The following MKLN1 variants were observed in gnomAD, a reference collection of about 807,000 sequenced individuals.
The protein encoded by MKLN1 is muskelin 1.
A neutral mutation model predicts 99.0 loss-of-function variants in MKLN1; 18 were observed. The ratio of observed to expected loss-of-function variants is 0.18; its 90% CI spans 0.13 to 0.27. The LOEUF is 0.27. Among genes scored for constraint, MKLN1 ranks in the 10% least tolerant of loss-of-function variants. The pLI is 1.00. For missense variants in MKLN1, 621 were observed against 875.9 expected, an observed-to-expected ratio of 0.71 and a Z score of 3.67; for synonymous variants, 288 against 293.2, an observed-to-expected ratio of 0.98 and a Z score of 0.18.
chr7:131,458,149 A>C (rs1270720000), intron 12 of MKLN1, among the ~76,000 whole-genome samples: 1 of 152,234 alleles, frequency 6.6e-6, no homozygotes, highest in African/African-American at 2.4e-5. Flanking sequence ...AAGAAGATAG[A>C]CATTTGACAG....
intron 2 of MKLN1, among the ~76,000 whole-genome samples, chr7:131,183,051 G>A (rs1286266127): frequency 6.6e-6 from 1 of 152,220 alleles, no homozygotes; most frequent in Non-Finnish European, 1.5e-5. Context: ...TGGATGTGGA[G>A]TGGTTTTGCT....
At chr7:131,472,710 G>A (rs1316477408) in intron 16 of MKLN1, among the ~76,000 whole-genome samples, 1 of 152,034 alleles carries the variant, frequency 6.6e-6, no homozygotes, top group East Asian at 1.9e-4. Context: ...CAGCACTTTG[G>A]GAGGCCGAGG....
At chr7:131,146,788 C>A (rs1022692229) in intron 2 of MKLN1, among the ~76,000 whole-genome samples, 6 of 152,178 alleles carry the variant, frequency 3.9e-5, no homozygotes, top group African/African-American at 1.4e-4. Flanking sequence ...ATTGTTTGAA[C>A]AATATTCATT....
intron 1 of MKLN1, among the ~76,000 whole-genome samples, chr7:131,342,027 A>G (rs1224363666): frequency 2.0e-5 from 3 of 152,226 alleles, no homozygotes; most frequent in Non-Finnish European, 2.9e-5. Context: ...TAATGCTGCT[A>G]TAATAAACAT....
At chr7:131,322,557 CTTTT>C (rs574246814) in intron 3 of MKLN1, among the ~76,000 whole-genome samples, 61 of 95,078 alleles carry the variant, frequency 6.4e-4, no homozygotes, top group Admixed American at 1.8e-3. Context: ...CTGCCAAACA[CTTTT>C]TTTTTTTTTT....
At chr7:131,443,973 T>C (rs1303886924) in intron 11 of MKLN1, among the ~76,000 whole-genome samples, 2 of 152,298 alleles carry the variant, frequency 1.3e-5, no homozygotes, top group East Asian at 1.9e-4. Flanking sequence ...TCCTTTCTTA[T>C]GCCTTTCCAC....
In MKLN1 at chr7:131,386,441, C is replaced by T. The variant is rs142253237; in HGVS notation, c.169-679C>T. ...CTTTATCACCTATATTATCCAATAT[C>T]GTGAAGCATGACGTCTCTCCAACAA... On this transcript the variant is annotated intron_variant, in intron 2 of 17. Transcript: ENST00000352689. Among the ~76,000 whole-genome samples, 15 of 152,286 alleles carry T rather than the reference C, an allele frequency of 9.8e-5. 1 individual carries two copies. The highest frequency in any genetic ancestry group is 1.8e-4 in the Non-Finnish European group (12 of 68,016).
chr7:131,427,367 T>A (rs1584731426), intron 8 of MKLN1, among the ~76,000 whole-genome samples: 1 of 152,206 alleles, frequency 6.6e-6, no homozygotes, highest in East Asian at 1.9e-4. Context: ...CATGGTGGGA[T>A]GTAACTTAGA....
At chr7:131,442,974 CT>C (rs1443413641) in intron 10 of MKLN1, among the ~76,000 whole-genome samples, 1 of 152,082 alleles carries the variant, frequency 6.6e-6, no homozygotes, top group African/African-American at 2.4e-5. Context: ...TGTAAATGTC[CT>C]TTTGTTTGTT....
chr7:131,173,580 G>T (rs543618855), intron 2 of MKLN1, among the ~76,000 whole-genome samples: 1 of 152,118 alleles, frequency 6.6e-6, no homozygotes, highest in African/African-American at 2.4e-5. Flanking sequence ...TTAGCCTGGC[G>T]TGGTCATGCA....
At chr7:131,213,609 T>C (rs1796938030) in intron 3 of MKLN1, among the ~76,000 whole-genome samples, 1 of 152,202 alleles carries the variant, frequency 6.6e-6, no homozygotes, top group South Asian at 2.1e-4. Context: ...ATTCCCTTGG[T>C]GGGGAAAATC....
intron 3 of MKLN1, among the ~76,000 whole-genome samples, chr7:131,285,957 C>CCTTT (rs397950661): frequency 3.4e-5 from 4 of 117,766 alleles, no homozygotes; most frequent in African/African-American, 6.3e-5. Flanking sequence ...CATCTATGGA[C>CCTTT]TTTTTTTTTT....
intron 3 of MKLN1, among the ~76,000 whole-genome samples, chr7:131,229,446 G>C (rs1013758466): frequency 5.9e-5 from 9 of 152,154 alleles, no homozygotes; most frequent in African/African-American, 2.2e-4. Context: ...AGGTAGAGGA[G>C]TTGTGGGGAC....
At chr7:131,272,908 G>A (rs1797909063) in intron 3 of MKLN1, among the ~76,000 whole-genome samples, 1 of 152,186 alleles carries the variant, frequency 6.6e-6, no homozygotes, top group Admixed American at 6.5e-5. Flanking sequence ...GTTGAGATTG[G>A]TGGGGGACAC....
At position 131,389,283 on chromosome 7, in the gene MKLN1, T is replaced by C. The variant is rs73722817; in HGVS notation, c.400+311T>C. On this transcript the variant is annotated intron_variant, in intron 4 of 17. Coordinates refer to ENST00000352689, the MANE Select transcript of MKLN1 (RefSeq NM_013255.5). ...TATTTCAAGTGGAATCTTTTCCAAA[T>C]GTTTTCTCATTTGAAAGTTTTCTTA... 6.3e-3 allele frequency among the ~76,000 whole-genome samples: 965 copies of C among 152,264 alleles called. 9 individuals carry two copies. The highest frequency in any genetic ancestry group is 0.022 in the African/African-American group (908 of 41,554).
intron 10 of MKLN1, among the ~76,000 whole-genome samples, chr7:131,442,604 A>C (rs1434575662): frequency 6.6e-6 from 1 of 152,206 alleles, no homozygotes; most frequent in East Asian, 1.9e-4. Flanking sequence ...CATAAATAGC[A>C]GAAGTAATCT....
Position 131,470,908 on chromosome 7 carries a change from A to G in MKLN1, c.1995A>G (p.Ile665Met). 1.2e-6 allele frequency: 2 copies of G among 1,612,898 alleles called. No homozygotes were observed. Among genetic ancestry groups the G allele is most frequent in the Non-Finnish European group, 1.7e-6 (2 of 1,179,198 alleles). The part of the protein sequence containing the change: ...ALKYLQNDLY[I>M]TVDHSDPEET... ...AATATTTACAAAATGATCTTTATAT[A>G]ACTGTGGATCATTCAGACCCAGAAG... The change falls in exon 16 of 18, where the codon ATA becomes ATG. Residue 665 changes from isoleucine (I) to methionine (M), a missense_variant. Transcript: ENST00000352689.
intron 3 of MKLN1, among the ~76,000 whole-genome samples, chr7:131,222,696 C>T (rs1797077159): frequency 6.6e-6 from 1 of 151,972 alleles, no homozygotes; most frequent in Non-Finnish European, 1.5e-5. Flanking sequence ...CACAAGGAAG[C>T]CATTTCTACC....
chr7:131,300,333 G>C (rs1798357901), intron 3 of MKLN1, among the ~76,000 whole-genome samples: 1 of 151,882 alleles, frequency 6.6e-6, no homozygotes, highest in Non-Finnish European at 1.5e-5. Flanking sequence ...CTGGAGAGTG[G>C]GGAGAGAGAC....
Sources: gnomAD v4.1 joint callset for allele counts (sites outside exome capture counted in the v4.1 genomes callset) on GRCh38, gnomAD v4.1.1 for gene constraint, MANE v1.5 for transcripts, NCBI Gene and HGNC (gene_info 2026-07-23, HGNC 2026-07-21) for gene names.